The following EFNB2 variants were observed in gnomAD, a reference collection of about 807,000 sequenced individuals.
EFNB2 encodes ephrin-B2.
EFNB2 carries 5 observed loss-of-function variants against 32.1 expected under a neutral mutation model. The ratio of observed to expected loss-of-function variants is 0.16; its 90% confidence interval spans 0.08 to 0.33. The LOEUF (loss-of-function observed/expected upper bound fraction) is 0.33, where lower values mean the gene tolerates loss of function less well. Among genes scored for constraint, EFNB2 ranks in the 10% least tolerant of loss-of-function variants. The probability of loss-of-function intolerance (pLI) is 1.00; values close to 1 mark genes in which losing one functional copy is unlikely to be tolerated. For missense variants in EFNB2, 263 were observed against 422.6 expected, an observed-to-expected ratio of 0.62 and a Z score of 3.31; for synonymous variants, 168 against 166.5, an observed-to-expected ratio of 1.01 and a Z score of -0.07.
At chr13:106,532,642 G>A (rs1879915189) in intron 1 of EFNB2, among the ~76,000 whole-genome samples, 1 of 152,160 alleles carries the variant, frequency 6.6e-6, no homozygotes, top group East Asian at 1.9e-4. Flanking sequence ...ACCTTTTCCA[G>A]GCACACATTA....
intron 4 of EFNB2, among the ~76,000 whole-genome samples, chr13:106,494,207 A>C (rs910906553): frequency 1.3e-5 from 2 of 152,228 alleles, no homozygotes; most frequent in Non-Finnish European, 1.5e-5. Context: ...ACGACCAAGC[A>C]AGCACACAAC....
intron 3 of EFNB2, 89 bp from the exon 4 acceptor site, chr13:106,495,083 T>G: frequency 1.0e-6 from 1 of 996,016 alleles, no homozygotes; most frequent in African/African-American, 1.6e-5. Flanking sequence ...CAGGCATGAA[T>G]AGCAATGAAC....
chr13:106,502,474 G>A (rs12870310), intron 2 of EFNB2, among the ~76,000 whole-genome samples: 13 of 152,180 alleles, frequency 8.5e-5, no homozygotes, highest in South Asian at 4.1e-4. Flanking sequence ...AAGCAGTTTG[G>A]TAAGTTGATT....
intron 1 of EFNB2, chr13:106,516,660 C>T (rs1879322240): frequency 6.6e-6 from 1 of 152,196 alleles, no homozygotes; most frequent in African/African-American, 2.4e-5. Flanking sequence ...GAAATCAAGA[C>T]ACGCACATGT....
chr13:106,526,143 A>C (rs1031257837), intron 1 of EFNB2, among the ~76,000 whole-genome samples: 2 of 152,168 alleles, frequency 1.3e-5, no homozygotes, highest in African/African-American at 4.8e-5. Context: ...CAAGCCCTGC[A>C]GGGGATTCTG....
intron 1 of EFNB2, among the ~76,000 whole-genome samples, chr13:106,526,015 T>C (rs1879688204): frequency 6.8e-6 from 1 of 147,992 alleles, no homozygotes; most frequent in African/African-American, 2.5e-5. Context: ...AGCATGGCCC[T>C]GAGGCAGCAG....
intron 1 of EFNB2, chr13:106,521,015 G>A (rs1329719526): frequency 6.6e-6 from 1 of 152,158 alleles, no homozygotes; most frequent in Admixed American, 6.5e-5. Flanking sequence ...AGTGATTGGA[G>A]GCTTTGACAT....
rs780241567 is a variant in EFNB2 at position 106,512,501 on chromosome 13, T to C, written c.406+28A>G. On this transcript the variant is annotated intron_variant, in intron 2 of 4. Transcript: ENST00000646441. Reference sequence around the variant, plus strand: ...CCTATATAGCTTATCTTAATTTCTATAAAATAAATGAATAAAATTATACTT... The same window carrying C: ...CCTATATAGCTTATCTTAATTTCTACAAAATAAATGAATAAAATTATACTT... The C allele has an allele frequency of 4.9e-6, 7 of 1,414,332 alleles. No homozygotes were observed. The African/African-American group carries it at 5.8e-5, about 12-fold the overall frequency. 87.6% of individuals were successfully genotyped at this position (1,414,332 alleles called of 1,614,324 possible). A position where few individuals can be genotyped will look rare whatever the true frequency, so the allele number is the denominator to read the frequency against.
Position 106,534,824 on chromosome 13 carries a change from G to C in EFNB2, c.122+19C>G, listed in dbSNP as rs944676416. Reference sequence around the variant, plus strand: ...GGACCCCGGGGCGGGGACATAGGGGGATCGCGGACGCCACTTACTTGGAGT... The same window carrying C: ...GGACCCCGGGGCGGGGACATAGGGGCATCGCGGACGCCACTTACTTGGAGT... On this transcript the variant is annotated intron_variant, in intron 1 of 4. Coordinates refer to ENST00000646441, the MANE Select transcript of EFNB2 (RefSeq NM_004093.4). The C allele has an allele frequency of 1.2e-6, 2 of 1,607,024 alleles. No homozygotes were observed. The highest frequency in any genetic ancestry group is 8.5e-7 in the Non-Finnish European group (1 of 1,176,722).
chr13:106,504,271 G>A (rs965784235), intron 2 of EFNB2, among the ~76,000 whole-genome samples: 3 of 152,224 alleles, frequency 2.0e-5, no homozygotes, highest in Non-Finnish European at 4.4e-5. Context: ...CGAGACGAGT[G>A]GCACTGAAGT....
chr13:106,534,674 G>T (rs1214910754), intron 1 of EFNB2, among the ~76,000 whole-genome samples, 169 bp downstream of exon 1: 2 of 151,094 alleles, frequency 1.3e-5, no homozygotes, highest in African/African-American at 4.9e-5. Context: ...TTGGAAAGCC[G>T]AGCGAGGAGT....
At chr13:106,495,471 ATATCTATC>A (rs367670305) in intron 3 of EFNB2, among the ~76,000 whole-genome samples, 10 of 149,348 alleles carry the variant, frequency 6.7e-5, no homozygotes, top group African/African-American at 2.5e-5. Flanking sequence ...TTAAAAAGAA[ATATCTATC>A]TATCTATCTA....
chr13:106,534,415 G>T (rs1232629659), intron 1 of EFNB2, among the ~76,000 whole-genome samples: 1 of 152,262 alleles, frequency 6.6e-6, no homozygotes, highest in East Asian at 1.9e-4. Flanking sequence ...CCGCCCGCGG[G>T]CCCCGGACCA....
chr13:106,500,145 G>A (rs928903068), intron 2 of EFNB2, among the ~76,000 whole-genome samples: 2 of 152,180 alleles, frequency 1.3e-5, no homozygotes, highest in African/African-American at 2.4e-5. Context: ...GTGCTTTTTA[G>A]CCCATCCCCA....
rs1480170419 is a variant in EFNB2, at chr13:106,491,353, G to T, written c.*1687C>A. 2 of 152,602 alleles carry T rather than the reference G, an allele frequency of 1.3e-5. No homozygotes were observed. Among genetic ancestry groups the T allele is most frequent in the Non-Finnish European group, 1.5e-5 (1 of 68,020 alleles). The allele number at this position is 152,602 out of a possible 1,614,324, so 9.5% of individuals were successfully genotyped here. A position where few individuals can be genotyped will look rare whatever the true frequency, so the allele number is the denominator to read the frequency against. ...CTCTCATTATTGTTCTTTTTGGAAT[G>T]ATGTTGTTTTTCCCAGAAGTAGCTG... On this transcript the variant is annotated 3_prime_UTR_variant, in exon 5 of 5. Coordinates refer to ENST00000646441, the MANE Select transcript of EFNB2 (RefSeq NM_004093.4).
chr13:106,496,224 T>C (rs1046259622), intron 2 of EFNB2, among the ~76,000 whole-genome samples: 2 of 152,122 alleles, frequency 1.3e-5, no homozygotes, highest in Non-Finnish European at 2.9e-5. Context: ...CCAAACGTGG[T>C]AATCATCCCC....
At chr13:106,509,627 C>CTGTGTGTGTGTGTGTGTGTGTG (rs34068695) in intron 2 of EFNB2, among the ~76,000 whole-genome samples, 35 of 142,570 alleles carry the variant, frequency 2.5e-4, no homozygotes, top group Non-Finnish European at 3.4e-4. Context: ...CAGAGCTTGA[C>CTGTGTGTGTGTGTGTGTGTGTG]TGTGTGTGTG....
At chr13:106,508,975 A>G (rs1879047406) in intron 2 of EFNB2, among the ~76,000 whole-genome samples, 1 of 152,220 alleles carries the variant, frequency 6.6e-6, no homozygotes, top group African/African-American at 2.4e-5. Context: ...TTTTTAAAGA[A>G]TTTACAGAGG....
chr13:106,503,490 G>C (rs1039177259), intron 2 of EFNB2, among the ~76,000 whole-genome samples: 1 of 152,156 alleles, frequency 6.6e-6, no homozygotes, highest in Non-Finnish European at 1.5e-5. Flanking sequence ...TTGTCTATGA[G>C]GAACAGCTGA....
Sources: gnomAD v4.1 joint callset for allele counts (sites outside exome capture counted in the v4.1 genomes callset) on GRCh38, gnomAD v4.1.1 for gene constraint, MANE v1.5 for transcripts, NCBI Gene and HGNC (gene_info 2026-07-23, HGNC 2026-07-21) for gene names.